The following TRIM26 variants were observed in gnomAD, a reference collection of about 807,000 sequenced individuals.
TRIM26 encodes tripartite motif-containing protein 26.
Under a neutral mutation model 45.5 loss-of-function variants are expected in TRIM26, and 16 were observed. That is an observed-to-expected ratio of 0.35 (90% CI 0.24 to 0.53). The LOEUF (loss-of-function observed/expected upper bound fraction) is 0.53, where lower values mean the gene tolerates loss of function less well. TRIM26 is among the 20% of genes least tolerant of loss of function. The pLI, the probability that TRIM26 is intolerant of heterozygous loss-of-function variation, is 0.92. For synonymous variants in TRIM26, 273 were observed against 290.4 expected, an observed-to-expected ratio of 0.94 and a Z score of 0.61; for missense variants, 442 against 691.1, an observed-to-expected ratio of 0.64 and a Z score of 4.04.
chr6:30,204,584 C>T (rs943190123), intron 2 of TRIM26, 72 bp downstream of exon 2: 1 of 152,050 alleles, frequency 6.6e-6, no homozygotes, highest in South Asian at 2.1e-4. Context: ...ATAACCGCTC[C>T]CCTTCCCCAT....
chr6:30,187,331 C>T (rs6457164), intron 9 of TRIM26: 134,003 of 318,686 alleles, frequency 0.42, 28,588 homozygotes, highest in Non-Finnish European at 0.45. Flanking sequence ...CTGTCATCCA[C>T]GGGATTAGAA....
Position 30,196,709 on chromosome 6 carries a change from T to G in TRIM26, c.572A>C (p.Glu191Ala), listed in dbSNP as rs1156828812. 1 of 1,614,078 alleles carries G rather than the reference T, an allele frequency of 6.2e-7. No individual in the cohort carries two copies. Among genetic ancestry groups the G allele is most frequent in the Non-Finnish European group, 8.5e-7 (1 of 1,180,038 alleles). The change falls in exon 6 of 10, where the codon GAG (glutamate) becomes GCG (alanine). Residue 191 changes from glutamate to alanine, a missense_variant. Physicochemically the swap from Glu to Ala is moderately radical, Grantham distance 107. Transcript: ENST00000454678. The surrounding 1 kb of genome is among the most constrained non-coding windows in gnomAD (Gnocchi z 4.9). ...LQDQRQYIVA[E>A]FEQGHQFLRE... ...CAGGAACTGATGACCCTGCTCAAAC[T>G]CAGCCACAATGTACTGCCTCTGGTC...
chr6:30,210,067 T>A (rs940061253), intron 1 of TRIM26, among the ~76,000 whole-genome samples: 1 of 151,874 alleles, frequency 6.6e-6, no homozygotes, highest in Non-Finnish European at 1.5e-5. Context: ...TAGCCGGGCA[T>A]GGTGGCACGC....
intron 6 of TRIM26, among the ~76,000 whole-genome samples, chr6:30,193,182 A>ATATTTTTTTTT (rs9280916): frequency 5.2e-5 from 2 of 38,808 alleles, no homozygotes; most frequent in African/African-American, 1.2e-4. Context: ...ATATATATAT[A>ATATTTTTTTTT]TTTTTTTTTT....
rs1380982187 is a variant in TRIM26 at position 30,189,389 on chromosome 6, C to A, written c.904+29G>T. 6.2e-7 allele frequency: 1 copy of A among 1,609,036 alleles called. No homozygotes were observed. The highest frequency in any genetic ancestry group is 1.7e-5 in the Admixed American group (1 of 60,018). ...CTACGAGGTAGCCCTGCTCTGACTC[C>A]CACCCTTTGTGCGCTCCCCAACCCT... On this transcript the variant is annotated intron_variant, in intron 8 of 9. Coordinates refer to ENST00000454678, the MANE Select transcript of TRIM26 (RefSeq NM_003449.5). The surrounding 1 kb of genome is among the most constrained non-coding windows in gnomAD (Gnocchi z 5.0).
rs751056752 is a variant in TRIM26, at chr6:30,198,813, C to T, written c.291G>A (p.Gln97=). 3.1e-6 allele frequency: 5 copies of T among 1,611,436 alleles called. No homozygotes were observed. Among genetic ancestry groups the T allele is most frequent in the Non-Finnish European group, 4.2e-6 (5 of 1,179,986 alleles). Residue 97 remains glutamine, a synonymous_variant, in exon 4 of 10, where the codon CAG becomes CAA. Transcript: ENST00000454678. This position sits in a 1 kb window ranked among gnomAD's most constrained non-coding sequence, Gnocchi z 6.3. ...RQPGEVTREQ[Q]DAKLCERHRE... ...GGTGTCGCTCGCACAACTTTGCATC[C>T]TGCTGCTCCCGGGTCACCTCTCCCG...
At position 30,199,272 on chromosome 6, in the gene TRIM26, G is replaced by C. The variant is rs1776850993; in HGVS notation, c.-161-8C>G. ...GACAGACACCACCAGCTCCTACAAG[G>C]TTCACACAATGTCAACGAGAAGAGG... On this transcript the variant is annotated splice_region_variant and splice_polypyrimidine_tract_variant and intron_variant, in intron 3 of 9. Coordinates refer to ENST00000454678, the MANE Select transcript of TRIM26 (RefSeq NM_003449.5). 3.5e-6 allele frequency: 2 copies of C among 572,272 alleles called. No individual in the cohort carries two copies. Among genetic ancestry groups the C allele is most frequent in the Non-Finnish European group, 6.0e-6 (2 of 332,812 alleles). 35.4% of individuals were successfully genotyped at this position (572,272 alleles called of 1,614,324 possible). A position where few individuals can be genotyped will look rare whatever the true frequency, so the allele number is the denominator to read the frequency against.
chr6:30,202,180 T>C (rs1299806524), intron 2 of TRIM26, among the ~76,000 whole-genome samples: 3 of 152,192 alleles, frequency 2.0e-5, no homozygotes. Flanking sequence ...TCTTCTTCCA[T>C]GCAAAACAGG....
At position 30,209,082 on chromosome 6, in the gene TRIM26, G is replaced by C. The variant is rs1455039520; in HGVS notation, c.-376+4223C>G. On this transcript the variant is annotated intron_variant, in intron 1 of 9. Transcript: ENST00000454678. The surrounding 1 kb of genome is among the most constrained non-coding windows in gnomAD (Gnocchi z 4.8). The stretch of plus-strand genomic sequence containing the variant: ...TTGTAAATGTTTATCTTTGGGGAGA[G>C]AAGGGGAAGGGCCCACCCAGCTTCT... Among the ~76,000 whole-genome samples, 1 of 152,160 alleles carries C rather than the reference G, an allele frequency of 6.6e-6. No homozygotes were observed. Among genetic ancestry groups the C allele is most frequent in the East Asian group, 1.9e-4 (1 of 5,194 alleles).
At chr6:30,188,290 G>T in intron 9 of TRIM26, 1 of 461,872 alleles carries the variant, frequency 2.2e-6, no homozygotes, top group African/African-American at 2.2e-5. Flanking sequence ...TTCTTGCAAA[G>T]CATCATCTGT....
chr6:30,192,146 T>C (rs747496940), intron 6 of TRIM26, among the ~76,000 whole-genome samples: 12 of 152,122 alleles, frequency 7.9e-5, no homozygotes, highest in Non-Finnish European at 1.8e-4. Context: ...AGGGAAGTGA[T>C]CCGCCCAAGT....
At chr6:30,193,105 T>C (rs1221670896) in intron 6 of TRIM26, among the ~76,000 whole-genome samples, 29 of 131,096 alleles carry the variant, frequency 2.2e-4, no homozygotes, top group African/African-American at 5.4e-4. Context: ...TGTATCTATA[T>C]ACATATATAT....
Position 30,196,612 on chromosome 6 carries a change from C to T in TRIM26, c.669G>A (p.Lys223=), listed in dbSNP as rs757520302. Residue 223 remains lysine (K), a synonymous_variant, in exon 6 of 10, where the codon AAG becomes AAA. Coordinates refer to ENST00000454678, the MANE Select transcript of TRIM26 (RefSeq NM_003449.5). The surrounding 1 kb of genome is among the most constrained non-coding windows in gnomAD (Gnocchi z 4.9). ...LEQELTEGRE[K]FKSRGVGELA... ...GCTCCCCGACGCCCCGGCTCTTGAACTTCTCCCTGCCCTCCGTGAGCTCCT... is the reference window on the plus strand; with the variant it reads ...GCTCCCCGACGCCCCGGCTCTTGAATTTCTCCCTGCCCTCCGTGAGCTCCT... 5 of 1,614,014 alleles carry T rather than the reference C, an allele frequency of 3.1e-6. No homozygotes were observed. Among genetic ancestry groups the T allele is most frequent in the Non-Finnish European group, 4.2e-6 (5 of 1,180,044 alleles).
chr6:30,189,708 T>C lies in TRIM26; in HGVS notation c.789-175A>G. 2 of 648,608 alleles carry C rather than the reference T, an allele frequency of 3.1e-6. No individual in the cohort carries two copies. The highest frequency in any genetic ancestry group is 5.3e-6 in the Non-Finnish European group (2 of 374,748). The allele number at this position is 648,608 out of a possible 1,614,324, so 40.2% of individuals were successfully genotyped here. ...CCAGCTGAACCAGGGCTTCAGAACA[T>C]CAGTAGACTCCACATCCAGGGCGCT... is the stretch of plus-strand genomic sequence containing the variant. On this transcript the variant is annotated intron_variant, in intron 7 of 9. Coordinates refer to ENST00000454678, the MANE Select transcript of TRIM26 (RefSeq NM_003449.5). The surrounding 1 kb of genome is among the most constrained non-coding windows in gnomAD (Gnocchi z 5.0).
rs1775252507 is a variant in TRIM26, at chr6:30,186,898, G to GAAT, written c.938-341_938-340insATT. ...TCATCATTAATATCATCCAAGTGTG[G>GAAT]ATCACCAGTCCCTGAAAAATCTGTT... On this transcript the variant is annotated intron_variant, in intron 9 of 9. Coordinates refer to ENST00000454678, the MANE Select transcript of TRIM26 (RefSeq NM_003449.5). The surrounding 1 kb of genome is among the most constrained non-coding windows in gnomAD (Gnocchi z 7.4). 7.4e-6 allele frequency: 5 copies of GAAT among 674,210 alleles called. No individual in the cohort carries two copies. The highest frequency in any genetic ancestry group is 6.7e-5 in the South Asian group (4 of 59,742). 41.8% of individuals were successfully genotyped at this position (674,210 alleles called of 1,614,324 possible).
At chr6:30,213,171 C>T (rs1214794613) in intron 1 of TRIM26, 134 bp downstream of exon 1, 1 of 152,420 alleles carries the variant, frequency 6.6e-6, no homozygotes, top group Non-Finnish European at 1.5e-5. Flanking sequence ...GCGAACTTGA[C>T]CCCCTCCTGA....
At chr6:30,191,359 G>A (rs981954512) in intron 6 of TRIM26, among the ~76,000 whole-genome samples, 1 of 145,820 alleles carries the variant, frequency 6.9e-6, no homozygotes, top group African/African-American at 2.6e-5. Flanking sequence ...TATTTATTAA[G>A]TGCTTCCTAG....
rs146724562 is a variant in TRIM26, at chr6:30,186,308, C to T, written c.1188G>A (p.Glu396=). ...CCCCATAGCCGGCCTCCTCTTCCTCCTCCTCCTCTTCTCCCTCTTCCTCCT... is the reference window on the plus strand; with the variant it reads ...CCCCATAGCCGGCCTCCTCTTCCTCTTCCTCCTCTTCTCCCTCTTCCTCCT... The part of the protein sequence containing the change: ...GDEEEEGEEE[E]EEEEAGYGDG... Residue 396 remains glutamate, a synonymous_variant, in exon 10 of 10, where the codon GAG becomes GAA. Transcript: ENST00000454678. This position sits in a 1 kb window ranked among gnomAD's most constrained non-coding sequence, Gnocchi z 7.4. 8.6e-5 allele frequency: 138 copies of T among 1,610,244 alleles called. 1 individual carries two copies. The African/African-American group carries it at 1.6e-3, about 18-fold the overall frequency.
rs958882377 is a variant in TRIM26 at position 30,189,870 on chromosome 6, C to T, written c.788+143G>A. 7 of 970,336 alleles carry T rather than the reference C, an allele frequency of 7.2e-6. No individual in the cohort carries two copies. In the African/African-American group the frequency reaches 8.1e-5, roughly 11 times the overall value. The allele number at this position is 970,336 out of a possible 1,614,324, so 60.1% of individuals were successfully genotyped here. ...CAGTTCTCAATGATGTGTCCTGCTC[C>T]TCAGAAGGGCATCAGGATGAACCAT... On this transcript the variant is annotated intron_variant, in intron 7 of 9. Transcript: ENST00000454678. The surrounding 1 kb of genome is among the most constrained non-coding windows in gnomAD (Gnocchi z 5.0).
Sources: gnomAD v4.1 joint callset for allele counts (sites outside exome capture counted in the v4.1 genomes callset) on GRCh38, gnomAD v4.1.1 for gene constraint, Gnocchi (gnomAD v3.1) non-coding constraint, MANE v1.5 for transcripts, NCBI Gene and HGNC (gene_info 2026-07-23, HGNC 2026-07-21) for gene names.